Variants in PRMT3 observed in about 807,000 individuals in gnomAD.
PRMT3 encodes protein arginine N-methyltransferase 3.
PRMT3 carries 62 observed loss-of-function variants against 71.9 expected under a neutral mutation model. The ratio of observed to expected loss-of-function variants is 0.86; its 90% CI spans 0.70 to 1.07. PRMT3 has a LOEUF of 1.07. Ranked by LOEUF, PRMT3 falls within the 50% of genes least tolerant of loss-of-function variation. The pLI, the probability that PRMT3 is intolerant of heterozygous loss-of-function variation, is 0.00. For missense variants in PRMT3, 663 were observed against 643.0 expected, an observed-to-expected ratio of 1.03 and a Z score of -0.34; for synonymous variants, 213 against 220.4, an observed-to-expected ratio of 0.97 and a Z score of 0.30.
chr11:20,487,095 TAA>T (rs1851093617), intron 13 of PRMT3, among the ~76,000 whole-genome samples: 4 of 149,992 alleles, frequency 2.7e-5, no homozygotes, highest in African/African-American at 9.8e-5. Flanking sequence ...GAAGCTGAAA[TAA>T]AGATATTTTC....
At chr11:20,451,000 C>T (rs996707680) in intron 10 of PRMT3, among the ~76,000 whole-genome samples, 1 of 152,048 alleles carries the variant, frequency 6.6e-6, no homozygotes, top group Non-Finnish European at 1.5e-5. Flanking sequence ...CTTGGCTTTC[C>T]CTGCTGCATA....
intron 9 of PRMT3, among the ~76,000 whole-genome samples, chr11:20,415,068 T>G (rs7102355): frequency 0.82 from 124,020 of 150,812 alleles, 52,828 homozygotes; most frequent in Non-Finnish European, 0.95. Context: ...TTTGGAAAAA[T>G]ATTACAAAAT....
intron 11 of PRMT3, among the ~76,000 whole-genome samples, chr11:20,458,471 G>T (rs911312118): frequency 5.3e-5 from 8 of 152,156 alleles, no homozygotes; most frequent in African/African-American, 1.9e-4. Flanking sequence ...TTTATAAATG[G>T]TCTGTTAAGA....
chr11:20,499,654 G>T (rs1159644894), intron 15 of PRMT3, among the ~76,000 whole-genome samples: 2 of 152,088 alleles, frequency 1.3e-5, no homozygotes, highest in African/African-American at 4.8e-5. Flanking sequence ...TTTTAAAGAA[G>T]AAGATGGGGA....
intron 10 of PRMT3, among the ~76,000 whole-genome samples, chr11:20,430,984 C>T (rs976659257): frequency 1.3e-5 from 2 of 152,068 alleles, no homozygotes; most frequent in Admixed American, 6.5e-5. Flanking sequence ...CTTATTTCTG[C>T]CTACTTAATA....
chr11:20,455,443 A>G (rs145165707), intron 11 of PRMT3, among the ~76,000 whole-genome samples: 100 of 152,280 alleles, frequency 6.6e-4, no homozygotes, highest in South Asian at 2.7e-3. Context: ...GATCCTGTCT[A>G]TGTCTCTTGA....
chr11:20,499,468 T>A (rs11025589), intron 15 of PRMT3, among the ~76,000 whole-genome samples: 124,041 of 151,268 alleles, frequency 0.82, 52,716 homozygotes, highest in Non-Finnish European at 0.95. Flanking sequence ...AGAAAAAAAA[T>A]TTTTTTTAAT....
At chr11:20,436,903 C>T (rs867212027) in intron 10 of PRMT3, among the ~76,000 whole-genome samples, 1 of 152,054 alleles carries the variant, frequency 6.6e-6, no homozygotes, top group Non-Finnish European at 1.5e-5. Context: ...GTGAAAGCAT[C>T]GGGTCCTGAA....
intron 14 of PRMT3, 57 bp downstream of exon 14, chr11:20,494,026 T>C: frequency 6.7e-7 from 1 of 1,482,992 alleles, no homozygotes. Context: ...CATTATATTT[T>C]ATTTTGTGCC....
rs1369161057 is a variant in PRMT3 at position 20,404,220 on chromosome 11, T to G, written c.771+1236T>G. 5.0e-4 allele frequency among the ~76,000 whole-genome samples: 10 copies of G among 20,098 alleles called. 1 individual carries two copies. Among genetic ancestry groups the G allele is most frequent in the Non-Finnish European group, 7.0e-4 (4 of 5,692 alleles). The allele number at this position is 20,098 out of a possible 152,430, so 13.2% of individuals were successfully genotyped here. A position where few individuals can be genotyped will look rare whatever the true frequency, so the allele number is the denominator to read the frequency against. ...GTGGAGACTTTTCATAGTTTTTTTT[T>G]TTTTTTTTTTTTTTTTTTTTTTTTT... On this transcript the variant is annotated intron_variant, in intron 8 of 15. Transcript: ENST00000331079.
intron 5 of PRMT3, among the ~76,000 whole-genome samples, chr11:20,395,545 G>C (rs1268743720): frequency 6.6e-6 from 1 of 151,524 alleles, no homozygotes; most frequent in Non-Finnish European, 1.5e-5. Context: ...TAGAGATAAG[G>C]TTTCACCAAA....
intron 15 of PRMT3, among the ~76,000 whole-genome samples, chr11:20,498,342 AAACT>A (rs1851379860): frequency 6.6e-6 from 1 of 152,224 alleles, no homozygotes; most frequent in Admixed American, 6.5e-5. Flanking sequence ...AAAACATGCC[AAACT>A]AACAGTGATA....
Position 20,409,654 on chromosome 11 carries a change from AACACACACACACACACAC to A in PRMT3, c.893+1643_893+1660del, listed in dbSNP as rs60686099. On this transcript the variant is annotated intron_variant, in intron 9 of 15. Coordinates refer to ENST00000331079, the MANE Select transcript of PRMT3 (RefSeq NM_005788.4). ...TGCGATTTTTGTATTGGAATACACA[AACACACACACACACACAC>A]ACACACACACACACACACACGTTGC... Among the ~76,000 whole-genome samples, 554 of 144,330 alleles carry A rather than the reference AACACACACACACACACAC, an allele frequency of 3.8e-3. 2 individuals are homozygous for A. Among genetic ancestry groups the A allele is most frequent in the Non-Finnish European group, 6.2e-3 (412 of 66,322 alleles). 94.7% of individuals were successfully genotyped at this position (144,330 alleles called of 152,430 possible).
chr11:20,440,922 T>C (rs983516130), intron 10 of PRMT3, among the ~76,000 whole-genome samples: 24 of 152,140 alleles, frequency 1.6e-4, no homozygotes, highest in African/African-American at 5.8e-4. Flanking sequence ...TAAAGTCTAA[T>C]TTATCAATTA....
At chr11:20,421,643 G>C (rs1466179167) in intron 9 of PRMT3, among the ~76,000 whole-genome samples, 1 of 152,062 alleles carries the variant, frequency 6.6e-6, no homozygotes, top group African/African-American at 2.4e-5. Flanking sequence ...TAATTTCTTC[G>C]TAGAACCCTC....
At chr11:20,410,001 G>T (rs1253739389) in intron 9 of PRMT3, among the ~76,000 whole-genome samples, 2 of 152,018 alleles carry the variant, frequency 1.3e-5, no homozygotes, top group African/African-American at 4.8e-5. Context: ...TTATGAGTTA[G>T]TCATTGTTTT....
intron 10 of PRMT3, among the ~76,000 whole-genome samples, chr11:20,442,210 T>C (rs1261027633): frequency 6.6e-6 from 1 of 152,120 alleles, no homozygotes; most frequent in African/African-American, 2.4e-5. Context: ...AGTCAAAATA[T>C]TGTTTTTTTT....
rs978106778 is a variant in PRMT3, at chr11:20,508,629, C to T, written c.*216C>T. ...TCATGGTCTGCCACGTAATCATTTT[C>T]TTAGACGTTTGCTCCACCAGATTTA... On this transcript the variant is annotated 3_prime_UTR_variant, in exon 16 of 16. Coordinates refer to ENST00000331079, the MANE Select transcript of PRMT3 (RefSeq NM_005788.4). 3.0e-6 allele frequency: 2 copies of T among 660,156 alleles called. No individual in the cohort carries two copies. The highest frequency in any genetic ancestry group is 3.5e-5 in the African/African-American group (2 of 56,340). 40.9% of individuals were successfully genotyped at this position (660,156 alleles called of 1,614,324 possible). A position where few individuals can be genotyped will look rare whatever the true frequency, so the allele number is the denominator to read the frequency against.
intron 13 of PRMT3, among the ~76,000 whole-genome samples, chr11:20,466,177 G>A (rs1850507404): frequency 6.6e-6 from 1 of 152,122 alleles, no homozygotes; most frequent in South Asian, 2.1e-4. Context: ...TTCGACAACA[G>A]AATTTAAATC....
Sources: allele counts gnomAD v4.1 joint callset (sites outside exome capture counted in the v4.1 genomes callset), GRCh38; gene constraint gnomAD v4.1.1; transcripts MANE v1.5; gene names NCBI Gene and HGNC (gene_info 2026-07-23, HGNC 2026-07-21).